GRM8: variants seen among roughly 807,000 people sequenced by gnomAD.
GRM8 encodes metabotropic glutamate receptor 8.
A neutral mutation model predicts 87.2 loss-of-function variants in GRM8; 47 were observed. The observed-to-expected ratio is 0.54, with a 90% CI of 0.43 to 0.69. GRM8 has a LOEUF of 0.69. GRM8 is among the 30% of genes least tolerant of loss of function. The pLI, the probability that GRM8 is intolerant of heterozygous loss-of-function variation, is 0.00. For missense variants in GRM8, 1,019 were observed against 1,139.2 expected (o/e 0.89, Z 1.52); for synonymous variants, 396 against 404.5 (o/e 0.98, Z 0.25).
intron 3 of GRM8, among the ~76,000 whole-genome samples, chr7:127,065,517 T>C (rs896605925): frequency 2.6e-5 from 4 of 151,964 alleles, no homozygotes; most frequent in African/African-American, 9.7e-5. Context: ...AAACCTAAAA[T>C]AAATTAAATG....
intron 6 of GRM8, among the ~76,000 whole-genome samples, chr7:126,831,608 C>T (rs1795383211): frequency 6.6e-6 from 1 of 152,224 alleles, no homozygotes; most frequent in African/African-American, 2.4e-5. Context: ...TCTGTCACCC[C>T]TTTCCTTGAC....
At chr7:127,214,373 G>A (rs1411348659) in intron 2 of GRM8, among the ~76,000 whole-genome samples, 1 of 152,066 alleles carries the variant, frequency 6.6e-6, no homozygotes, top group African/African-American at 2.4e-5. Flanking sequence ...TTTAAACTTT[G>A]TATATAATTT....
intron 6 of GRM8, among the ~76,000 whole-genome samples, chr7:126,811,990 GA>G (rs1478913418): frequency 6.6e-6 from 1 of 151,922 alleles, no homozygotes; most frequent in Non-Finnish European, 1.5e-5. Context: ...GGAGGGGTGA[GA>G]GGGGTGAAGA....
chr7:126,466,033 A>C (rs1283421226), intron 9 of GRM8, among the ~76,000 whole-genome samples: 1 of 151,944 alleles, frequency 6.6e-6, no homozygotes, highest in East Asian at 1.9e-4. Flanking sequence ...AATGGATATT[A>C]ATTTAAGTGA....
chr7:126,464,335 G>A (rs748394126), intron 9 of GRM8, among the ~76,000 whole-genome samples: 24 of 151,596 alleles, frequency 1.6e-4, no homozygotes, highest in Non-Finnish European at 2.7e-4. Flanking sequence ...TTCAGTCTAT[G>A]CATCTTTATG....
intron 2 of GRM8, among the ~76,000 whole-genome samples, chr7:127,185,563 G>A (rs190383112): frequency 2.0e-5 from 3 of 152,142 alleles, no homozygotes; most frequent in Admixed American, 2.0e-4. Context: ...GTTTGACAAC[G>A]AATTTTTAGA....
intron 6 of GRM8, among the ~76,000 whole-genome samples, chr7:126,883,633 G>A (rs1421144873): frequency 6.6e-6 from 1 of 152,094 alleles, no homozygotes; most frequent in Non-Finnish European, 1.5e-5. Context: ...ATGTTCTCAT[G>A]AGACTGCATT....
At chr7:126,470,099 T>G (rs1349990294) in intron 9 of GRM8, among the ~76,000 whole-genome samples, 1 of 152,166 alleles carries the variant, frequency 6.6e-6, no homozygotes, top group Non-Finnish European at 1.5e-5. Flanking sequence ...GTAAATAGAC[T>G]GGTGGCATTT....
chr7:126,648,384 T>C (rs571528046), intron 7 of GRM8, among the ~76,000 whole-genome samples: 1 of 152,356 alleles, frequency 6.6e-6, no homozygotes, highest in African/African-American at 2.4e-5. Flanking sequence ...TGTTCTATTT[T>C]ATCTATCTCT....
intron 8 of GRM8, among the ~76,000 whole-genome samples, chr7:126,596,927 A>T (rs1294303983): frequency 6.6e-6 from 1 of 152,216 alleles, no homozygotes; most frequent in Non-Finnish European, 1.5e-5. Flanking sequence ...CAATTATCTC[A>T]CAATAACATC....
intron 7 of GRM8, among the ~76,000 whole-genome samples, chr7:126,631,018 G>C (rs945831098): frequency 6.6e-6 from 1 of 152,136 alleles, no homozygotes; most frequent in Non-Finnish European, 1.5e-5. Flanking sequence ...CACAGTATTA[G>C]AAGTTCTAGC....
chr7:126,618,336 C>G (rs1179535181), intron 7 of GRM8, among the ~76,000 whole-genome samples: 7 of 150,696 alleles, frequency 4.6e-5, no homozygotes, highest in Non-Finnish European at 8.9e-5. Context: ...GTAGAAAGCT[C>G]AAACTGGATC....
At chr7:127,090,289 T>A (rs1412827075) in intron 3 of GRM8, among the ~76,000 whole-genome samples, 3 of 152,196 alleles carry the variant, frequency 2.0e-5, no homozygotes, top group East Asian at 3.9e-4. Flanking sequence ...ACCTAACAAG[T>A]TCTTGGAACT....
At chr7:126,894,339 T>G (rs1325822597) in intron 6 of GRM8, among the ~76,000 whole-genome samples, 1 of 152,056 alleles carries the variant, frequency 6.6e-6, no homozygotes, top group Non-Finnish European at 1.5e-5. Flanking sequence ...CTATATACTC[T>G]TTTCCATTTG....
At chr7:126,518,685 C>T (rs1812528500) in intron 9 of GRM8, among the ~76,000 whole-genome samples, 1 of 152,034 alleles carries the variant, frequency 6.6e-6, no homozygotes, top group Non-Finnish European at 1.5e-5. Flanking sequence ...TAAAATGCTT[C>T]CTGCATTAAT....
intron 10 of GRM8, among the ~76,000 whole-genome samples, chr7:126,439,825 AGTGTGT>A (rs57638512): frequency 4.9e-5 from 7 of 142,680 alleles, no homozygotes; most frequent in African/African-American, 1.8e-4. Flanking sequence ...GGCCTAGGCT[AGTGTGT>A]GTGTGTGTGT....
At chr7:127,015,906 A>G (rs1586759588) in intron 3 of GRM8, among the ~76,000 whole-genome samples, 1 of 152,266 alleles carries the variant, frequency 6.6e-6, no homozygotes, top group Non-Finnish European at 1.5e-5. Context: ...AGTTGAACTG[A>G]CATTAAATTA....
At chr7:126,754,329 A>C (rs1816767823) in intron 7 of GRM8, among the ~76,000 whole-genome samples, 1 of 151,870 alleles carries the variant, frequency 6.6e-6, no homozygotes, top group Non-Finnish European at 1.5e-5. Context: ...ATCATGCCTA[A>C]ATTATGATGC....
intron 6 of GRM8, among the ~76,000 whole-genome samples, chr7:126,852,709 G>GA (rs1797324217): frequency 6.6e-6 from 1 of 152,036 alleles, no homozygotes; most frequent in African/African-American, 2.4e-5. Context: ...AGTGATGTGT[G>GA]ACTTATTCCT....
Sources: gnomAD v4.1 joint callset for allele counts (sites outside exome capture counted in the v4.1 genomes callset) on GRCh38, gnomAD v4.1.1 for gene constraint, MANE v1.5 for transcripts, NCBI Gene and HGNC (gene_info 2026-07-23, HGNC 2026-07-21) for gene names.